PARD6G: variants seen among roughly 807,000 people sequenced by gnomAD.
The protein encoded by PARD6G is partitioning defective 6 homolog gamma.
A neutral mutation model predicts 10.7 loss-of-function variants in PARD6G; 7 were observed. That is an observed-to-expected ratio of 0.66 (90% confidence interval 0.37 to 1.23). The LOEUF is 1.23. PARD6G is among the 50% of genes most tolerant of loss of function. The pLI is 0.02. For missense variants in PARD6G, 548 were observed against 571.8 expected (o/e 0.96, Z 0.42); for synonymous variants, 287 against 269.4 (o/e 1.07, Z -0.64).
intron 1 of PARD6G, among the ~76,000 whole-genome samples, chr18:80,220,128 T>C (rs1967213686): frequency 6.6e-6 from 1 of 152,210 alleles, no homozygotes. Flanking sequence ...TTACAATTCA[T>C]GGTGGAAGGG....
intron 1 of PARD6G, among the ~76,000 whole-genome samples, chr18:80,214,641 A>T (rs529847553): frequency 6.6e-6 from 1 of 152,180 alleles, no homozygotes; most frequent in African/African-American, 2.4e-5. Flanking sequence ...AGCAAATTTG[A>T]TAGGTACATT....
chr18:80,187,260 C>T (rs1017875988), intron 2 of PARD6G, among the ~76,000 whole-genome samples: 4 of 152,154 alleles, frequency 2.6e-5, no homozygotes, highest in Admixed American at 6.5e-5. Context: ...GGGGATGGCA[C>T]GCGTGGGTGG....
At chr18:80,213,147 A>G (rs1223111234) in intron 1 of PARD6G, among the ~76,000 whole-genome samples, 1 of 152,194 alleles carries the variant, frequency 6.6e-6, no homozygotes, top group Non-Finnish European at 1.5e-5. Flanking sequence ...TGGACTTAAT[A>G]CTACTGAACT....
In PARD6G at chr18:80,160,257, C is replaced by T. The variant is rs372390949; in HGVS notation, c.645G>A (p.Glu215=). The T allele has an allele frequency of 6.2e-6, 10 of 1,612,702 alleles. No individual in the cohort carries two copies. In the Admixed American group the frequency reaches 1.7e-4, roughly 27 times the overall value. ...CCTCAATGCCGTTCACCTCCAGGACCTCGTCATTCACAGCCAGCAGCCCGG... is the reference window on the plus strand; with the variant it reads ...CCTCAATGCCGTTCACCTCCAGGACTTCGTCATTCACAGCCAGCAGCCCGG... ...ESTGLLAVND[E]VLEVNGIEVA... The change falls in exon 3 of 3, where the codon GAG becomes GAA. Residue 215 remains glutamate (E), a synonymous_variant. Transcript: ENST00000353265.
Position 80,230,538 on chromosome 18 carries a change from T to C in PARD6G, c.72+16739A>G, listed in dbSNP as rs1009087489. Among the ~76,000 whole-genome samples, 3 of 152,152 alleles carry C rather than the reference T, an allele frequency of 2.0e-5. No individual in the cohort carries two copies. In the East Asian group the frequency reaches 5.8e-4, roughly 29 times the overall value. Reference sequence around the variant, plus strand: ...GTCCACCCAAGATCCAGAGTGATGATGGTGCAGCCGTTGGCACTCGCAGAA... The same window carrying C: ...GTCCACCCAAGATCCAGAGTGATGACGGTGCAGCCGTTGGCACTCGCAGAA... On this transcript the variant is annotated intron_variant, in intron 1 of 2. Transcript: ENST00000353265.
rs539416374 is a variant in PARD6G, at chr18:80,222,608, C to T, written c.73-19676G>A. 6.7e-4 allele frequency among the ~76,000 whole-genome samples: 102 copies of T among 152,226 alleles called. 1 individual carries two copies. The highest frequency in any genetic ancestry group is 2.1e-3 in the African/African-American group (89 of 41,530). On this transcript the variant is annotated intron_variant, in intron 1 of 2. Coordinates refer to ENST00000353265, the MANE Select transcript of PARD6G (RefSeq NM_032510.4). ...CTTACACATAGTACTAACATAGAGA[C>T]GTATAAACGACCAGGGGAACCGAAT...
rs1276137512 is a variant in PARD6G, at chr18:80,192,454, C to T, written c.295+10256G>A. On this transcript the variant is annotated intron_variant, in intron 2 of 2. Coordinates refer to ENST00000353265, the MANE Select transcript of PARD6G (RefSeq NM_032510.4). The surrounding 1 kb of genome is among the most constrained non-coding windows in gnomAD (Gnocchi z 4.9). ...GGACGGGGGAGAGCAGGTGCCACGG[C>T]GGGAGCCCAGGGGACGGGGGAGAGC... 2.0e-5 allele frequency among the ~76,000 whole-genome samples: 3 copies of T among 149,296 alleles called. No individual in the cohort carries two copies. The highest frequency in any genetic ancestry group is 2.0e-4 in the East Asian group (1 of 5,048).
intron 2 of PARD6G, among the ~76,000 whole-genome samples, chr18:80,167,404 G>A (rs2052744010): frequency 6.6e-6 from 1 of 152,192 alleles, no homozygotes; most frequent in African/African-American, 2.4e-5. Flanking sequence ...TCTTCATGCA[G>A]CAGCTCACTC....
chr18:80,237,996 G>T (rs1021291636), intron 1 of PARD6G, among the ~76,000 whole-genome samples: 2 of 151,942 alleles, frequency 1.3e-5, no homozygotes, highest in African/African-American at 4.8e-5. Context: ...CCCATTACTG[G>T]GTATATACCC....
chr18:80,166,495 C>T (rs569858106), intron 2 of PARD6G, among the ~76,000 whole-genome samples: 5 of 150,212 alleles, frequency 3.3e-5, no homozygotes, highest in South Asian at 2.1e-4. Context: ...AATTTAAAGG[C>T]GTCAAGTTCA....
intron 1 of PARD6G, among the ~76,000 whole-genome samples, chr18:80,208,134 C>A (rs886776372): frequency 1.3e-5 from 2 of 151,906 alleles, no homozygotes; most frequent in Non-Finnish European, 2.9e-5. Context: ...CAAATCACTG[C>A]AGCATTTAGA....
chr18:80,236,387 C>G (rs1438112695), intron 1 of PARD6G, among the ~76,000 whole-genome samples: 1 of 152,160 alleles, frequency 6.6e-6, no homozygotes. Flanking sequence ...AAACCCACAG[C>G]CAATATCATC....
intron 2 of PARD6G, among the ~76,000 whole-genome samples, chr18:80,173,072 A>G (rs1226933305): frequency 6.6e-6 from 1 of 152,192 alleles, no homozygotes; most frequent in Non-Finnish European, 1.5e-5. Context: ...GTGAGCCCTG[A>G]ATATCAGGCA....
intron 1 of PARD6G, among the ~76,000 whole-genome samples, chr18:80,227,961 A>T (rs1004405602): frequency 5.9e-5 from 9 of 152,180 alleles, no homozygotes; most frequent in African/African-American, 9.7e-5. Context: ...GCCGTGTCTC[A>T]ATTTGAACTC....
chr18:80,218,822 C>G (rs1967198623), intron 1 of PARD6G, among the ~76,000 whole-genome samples: 1 of 152,262 alleles, frequency 6.6e-6, no homozygotes, highest in Non-Finnish European at 1.5e-5. Flanking sequence ...CCTCTGAAAT[C>G]TAGGCGGAGG....
Position 80,166,726 on chromosome 18 carries a change from T to C in PARD6G, c.296-6120A>G, listed in dbSNP as rs577784298. Among the ~76,000 whole-genome samples, 49 of 151,790 alleles carry C rather than the reference T, an allele frequency of 3.2e-4. 1 individual carries two copies. Among genetic ancestry groups the C allele is most frequent in the South Asian group, 8.3e-4 (4 of 4,792 alleles). ...GTCCACAGGGTCCTCACTCCCCATGTCCACCTTCCCGGGGAACTTCAGGGG... is the reference window on the plus strand; with the variant it reads ...GTCCACAGGGTCCTCACTCCCCATGCCCACCTTCCCGGGGAACTTCAGGGG... On this transcript the variant is annotated intron_variant, in intron 2 of 2. Transcript: ENST00000353265.
chr18:80,165,250 C>A (rs547979396), intron 2 of PARD6G, among the ~76,000 whole-genome samples: 1 of 152,268 alleles, frequency 6.6e-6, no homozygotes, highest in South Asian at 2.1e-4. Flanking sequence ...GAATGCATTC[C>A]TTTCCCAGGG....
rs1172645241 is a variant in PARD6G at position 80,180,130 on chromosome 18, G to T, written c.296-19524C>A. 6.6e-6 allele frequency among the ~76,000 whole-genome samples: 1 copy of T among 152,244 alleles called. No homozygotes were observed. Among genetic ancestry groups the T allele is most frequent in the Non-Finnish European group, 1.5e-5 (1 of 68,052 alleles). ...AAGTGGCACAGAGGCCTGGCTGGGT[G>T]AACCAGGGCCCGGGACGGGAATGGC... On this transcript the variant is annotated intron_variant, in intron 2 of 2. Coordinates refer to ENST00000353265, the MANE Select transcript of PARD6G (RefSeq NM_032510.4). This position sits in a 1 kb window ranked among gnomAD's most constrained non-coding sequence, Gnocchi z 5.6.
At chr18:80,214,851 T>C (rs556460222) in intron 1 of PARD6G, among the ~76,000 whole-genome samples, 4 of 152,258 alleles carry the variant, frequency 2.6e-5, no homozygotes, top group Admixed American at 1.3e-4. Context: ...TTAATCTATA[T>C]ATTTTTAAAA....
Sources: allele counts gnomAD v4.1 joint callset (sites outside exome capture counted in the v4.1 genomes callset), GRCh38; gene constraint gnomAD v4.1.1; non-coding constraint Gnocchi (gnomAD v3.1); transcripts MANE v1.5; gene names NCBI Gene and HGNC (gene_info 2026-07-23, HGNC 2026-07-21).